The following STX7 variants were observed in gnomAD, a reference collection of about 807,000 sequenced individuals.
The protein encoded by STX7 is syntaxin 7.
In STX7, 34 loss-of-function variants were observed where a neutral mutation model predicts 39.6. That is an observed-to-expected ratio of 0.86 (90% CI 0.65 to 1.14). The LOEUF (loss-of-function observed/expected upper bound fraction) is 1.14, where lower values mean the gene tolerates loss of function less well. Ranked by LOEUF, STX7 falls within the 50% of genes most tolerant of loss-of-function variation. The probability of loss-of-function intolerance (pLI) is 0.00; values close to 1 mark genes in which losing one functional copy is unlikely to be tolerated. For missense variants in STX7, 284 were observed against 310.4 expected, an observed-to-expected ratio of 0.92 and a Z score of 0.64; for synonymous variants, 119 against 99.1, an observed-to-expected ratio of 1.20 and a Z score of -1.19.
intron 8 of STX7, among the ~76,000 whole-genome samples, chr6:132,467,369 A>T (rs1305528476): frequency 1.3e-5 from 2 of 152,096 alleles, no homozygotes; most frequent in Non-Finnish European, 2.9e-5. Context: ...AGTACCTATC[A>T]TACCTAACTA....
rs943734211 is a variant in STX7 at position 132,446,438 on chromosome 6, G to A, written c.*14320C>T. 2.0e-5 allele frequency: 3 copies of A among 152,068 alleles called. No individual in the cohort carries two copies. Among genetic ancestry groups the A allele is most frequent in the African/African-American group, 7.2e-5 (3 of 41,408 alleles). The allele number at this position is 152,068 out of a possible 1,614,324, so 9.4% of individuals were successfully genotyped here. On this transcript the variant is annotated 3_prime_UTR_variant, in exon 10 of 10. Transcript: ENST00000367941. ...TTTTCTGGAACCACAATTTCTGATT[G>A]GGAAAACAAAAGTCTTCCTAGATAC...
intron 4 of STX7, among the ~76,000 whole-genome samples, chr6:132,471,878 G>C (rs1774732163): frequency 6.6e-6 from 1 of 152,064 alleles, no homozygotes; most frequent in African/African-American, 2.4e-5. Flanking sequence ...TTCTTTTTCA[G>C]GCAAATAAAG....
chr6:132,502,004 T>C (rs1162382948), intron 2 of STX7, among the ~76,000 whole-genome samples: 4 of 152,146 alleles, frequency 2.6e-5, no homozygotes, highest in Admixed American at 1.3e-4. Context: ...CAATGTACCA[T>C]TCCTACAGTC....
intron 6 of STX7, 82 bp downstream of exon 6, chr6:132,470,492 G>A: frequency 9.8e-7 from 1 of 1,025,112 alleles, no homozygotes; most frequent in Non-Finnish European, 1.4e-6. Flanking sequence ...TATATTGAAA[G>A]CTTTAATTCT....
chr6:132,471,514 A>C lies in STX7; in HGVS notation c.336T>G (p.Ala112=), dbSNP rs759906746. ...GAGCAACAAACTCTTTCTCTCGCTCAGCAGCCTGCCTCTGGACCTTCTGGA... is the reference window on the plus strand; with the variant it reads ...GAGCAACAAACTCTTTCTCTCGCTCCGCAGCCTGCCTCTGGACCTTCTGGA... ...TNFQKVQRQA[A]EREKEFVARV... Residue 112 remains alanine, a synonymous_variant, in exon 5 of 10, where the codon GCT becomes GCG. Coordinates refer to ENST00000367941, the MANE Select transcript of STX7 (RefSeq NM_003569.3). 6.2e-7 allele frequency: 1 copy of C among 1,614,108 alleles called. No homozygotes were observed. Among genetic ancestry groups the C allele is most frequent in the South Asian group, 1.1e-5 (1 of 91,076 alleles).
intron 2 of STX7, among the ~76,000 whole-genome samples, chr6:132,492,714 T>A (rs898158411): frequency 4.6e-5 from 7 of 152,172 alleles, no homozygotes; most frequent in African/African-American, 1.7e-4. Context: ...TTTTCTCACC[T>A]GACCAGGGTG....
chr6:132,497,230 G>C (rs1189120464), intron 2 of STX7, among the ~76,000 whole-genome samples: 2 of 152,074 alleles, frequency 1.3e-5, no homozygotes, highest in African/African-American at 4.8e-5. Context: ...GTTTAAATAT[G>C]GAATACTATA....
chr6:132,489,445 C>G (rs1178735718), intron 2 of STX7, among the ~76,000 whole-genome samples: 1 of 152,114 alleles, frequency 6.6e-6, no homozygotes, highest in Non-Finnish European at 1.5e-5. Flanking sequence ...AAGTGTATCA[C>G]AAGTAGAAAA....
chr6:132,456,198 G>A lies in STX7; in HGVS notation c.*4560C>T, dbSNP rs1774239437. On this transcript the variant is annotated 3_prime_UTR_variant, in exon 10 of 10. Transcript: ENST00000367941. ...CACTCAAATCAGTAGTTTCTCTTTA[G>A]AAAACTAGCAATTTTCTGGTAGTCT... 1 of 151,990 alleles carries A rather than the reference G, an allele frequency of 6.6e-6. No individual in the cohort carries two copies. The highest frequency in any genetic ancestry group is 1.5e-5 in the Non-Finnish European group (1 of 67,976). The allele number at this position is 151,990 out of a possible 1,614,324, so 9.4% of individuals were successfully genotyped here. A position where few individuals can be genotyped will look rare whatever the true frequency, so the allele number is the denominator to read the frequency against.
chr6:132,470,604 G>A lies in STX7; in HGVS notation c.410C>T (p.Ser137Leu). The A allele has an allele frequency of 6.2e-7, 1 of 1,607,740 alleles. No individual in the cohort carries two copies. The highest frequency in any genetic ancestry group is 8.5e-7 in the Non-Finnish European group (1 of 1,176,240). The change falls in exon 6 of 10, where the codon TCA (serine) becomes TTA (leucine). Residue 137 changes from serine (S) to leucine (L), a missense_variant. Ser to Leu is a moderately radical substitution (Grantham distance 145). Coordinates refer to ENST00000367941, the MANE Select transcript of STX7 (RefSeq NM_003569.3). ...RVSGSFPEDS[S>L]KERNLVSWES... ...CCAGGATACAAGATTCCTTTCTTTT[G>A]AGCTGTCCTCAGGAAAACTGCCCTG...
intron 2 of STX7, among the ~76,000 whole-genome samples, chr6:132,491,319 A>G (rs1650453232): frequency 6.6e-6 from 1 of 152,146 alleles, no homozygotes; most frequent in South Asian, 2.1e-4. Context: ...AAGGAAGATC[A>G]CAAAAGAACT....
At chr6:132,499,482 T>C (rs1393147151) in intron 2 of STX7, among the ~76,000 whole-genome samples, 1 of 152,082 alleles carries the variant, frequency 6.6e-6, no homozygotes, top group Admixed American at 6.6e-5. Context: ...ACTTGCAATA[T>C]GGCTATGAGA....
intron 2 of STX7, among the ~76,000 whole-genome samples, chr6:132,485,630 G>C (rs907727755): frequency 6.6e-6 from 1 of 152,192 alleles, no homozygotes; most frequent in African/African-American, 2.4e-5. Context: ...ACTTCCACCT[G>C]CAGTGTATGA....
In STX7 at chr6:132,451,391, T is replaced by C. The variant is rs1774133607; in HGVS notation, c.*9367A>G. On this transcript the variant is annotated 3_prime_UTR_variant, in exon 10 of 10. Coordinates refer to ENST00000367941, the MANE Select transcript of STX7 (RefSeq NM_003569.3). ...GCTTACAGGCGTGAGCCACCCCTCTTGGCTGGAAGTGGCAGAACAATTTTC... is the reference window on the plus strand; with the variant it reads ...GCTTACAGGCGTGAGCCACCCCTCTCGGCTGGAAGTGGCAGAACAATTTTC... 1 of 152,148 alleles carries C rather than the reference T, an allele frequency of 6.6e-6. No homozygotes were observed. Among genetic ancestry groups the C allele is most frequent in the Admixed American group, 6.6e-5 (1 of 15,266 alleles). The allele number at this position is 152,148 out of a possible 1,614,324, so 9.4% of individuals were successfully genotyped here. A position where few individuals can be genotyped will look rare whatever the true frequency, so the allele number is the denominator to read the frequency against.
chr6:132,455,614 G>A lies in STX7; in HGVS notation c.*5144C>T, dbSNP rs982127964. 3.3e-5 allele frequency: 5 copies of A among 152,072 alleles called. No homozygotes were observed. The highest frequency in any genetic ancestry group is 7.2e-5 in the African/African-American group (3 of 41,406). The allele number at this position is 152,072 out of a possible 1,614,324, so 9.4% of individuals were successfully genotyped here. A position where few individuals can be genotyped will look rare whatever the true frequency, so the allele number is the denominator to read the frequency against. On this transcript the variant is annotated 3_prime_UTR_variant, in exon 10 of 10. Transcript: ENST00000367941. ...AATGCCATCACTACACAAAACCTAC[G>A]GGAATCCCACTCTAAGCAATTAAGT...
intron 2 of STX7, among the ~76,000 whole-genome samples, chr6:132,495,968 T>G (rs1228356793): frequency 6.6e-6 from 1 of 152,174 alleles, no homozygotes; most frequent in Non-Finnish European, 1.5e-5. Context: ...CTTTAATCTG[T>G]AGGAGAGATG....
chr6:132,506,073 C>G (rs948825050), intron 1 of STX7, among the ~76,000 whole-genome samples: 1 of 145,518 alleles, frequency 6.9e-6, no homozygotes, highest in African/African-American at 2.5e-5. Flanking sequence ...CCTTATCTGT[C>G]AACATATAAA....
At chr6:132,464,892 G>T (rs971123703) in intron 8 of STX7, among the ~76,000 whole-genome samples, 1 of 152,116 alleles carries the variant, frequency 6.6e-6, no homozygotes, top group Non-Finnish European at 1.5e-5. Context: ...CCTGGAGGTG[G>T]AACGGGTGTC....
In STX7 at chr6:132,448,837, C is replaced by CAAAAAAAAA. The variant is rs71030800; in HGVS notation, c.*11912_*11920dup. The CAAAAAAAAA allele has an allele frequency of 1.4e-5, 1 of 72,380 alleles. No individual in the cohort carries two copies. Among genetic ancestry groups the CAAAAAAAAA allele is most frequent in the African/African-American group, 5.7e-5 (1 of 17,604 alleles). The allele number at this position is 72,380 out of a possible 1,614,324, so 4.5% of individuals were successfully genotyped here. ...TGGGTGACAGAGCAAGACTCTGTCT[C>CAAAAAAAAA]AAAAAAAAAAAAAAAAAAAAAAGGT... On this transcript the variant is annotated 3_prime_UTR_variant, in exon 10 of 10. Coordinates refer to ENST00000367941, the MANE Select transcript of STX7 (RefSeq NM_003569.3).
Sources: allele counts gnomAD v4.1 joint callset (sites outside exome capture counted in the v4.1 genomes callset), GRCh38; gene constraint gnomAD v4.1.1; transcripts MANE v1.5; gene names NCBI Gene and HGNC (gene_info 2026-07-23, HGNC 2026-07-21).